ELP3: variants seen among roughly 807,000 people sequenced by gnomAD.
ELP3 encodes elongator complex protein 3.
A neutral mutation model predicts 74.9 loss-of-function variants in ELP3; 56 were observed. That is an observed-to-expected ratio of 0.75 (90% CI 0.60 to 0.93). The LOEUF is 0.93. Ranked by LOEUF, ELP3 falls within the 40% of genes least tolerant of loss-of-function variation. The pLI, the probability that ELP3 is intolerant of heterozygous loss-of-function variation, is 0.00. For missense variants in ELP3, 573 were observed against 686.5 expected (o/e 0.83, Z 1.85); for synonymous variants, 222 against 239.8 (o/e 0.93, Z 0.68).
Position 28,191,112 on chromosome 8 carries a change from C to T in ELP3, c.*1387C>T, listed in dbSNP as rs1024039898. The stretch of plus-strand genomic sequence containing the variant: ...TTACAAAGGTTTAAAGGAATTGATT[C>T]CTCTGAAAGGGCCTGAAAATAAAAA... On this transcript the variant is annotated 3_prime_UTR_variant, in exon 15 of 15. Transcript: ENST00000256398. The T allele has an allele frequency of 1.3e-5, 2 of 152,198 alleles. No individual in the cohort carries two copies. The highest frequency in any genetic ancestry group is 2.9e-5 in the Non-Finnish European group (2 of 68,050). The allele number at this position is 152,198 out of a possible 1,614,324, so 9.4% of individuals were successfully genotyped here.
intron 14 of ELP3, among the ~76,000 whole-genome samples, chr8:28,168,212 T>C (rs1005048844): frequency 6.6e-6 from 1 of 152,242 alleles, no homozygotes; most frequent in African/African-American, 2.4e-5. Context: ...TATTATTGAA[T>C]AGGCCACTAA....
intron 14 of ELP3, among the ~76,000 whole-genome samples, chr8:28,177,225 A>T (rs1278903892): frequency 6.7e-6 from 1 of 150,184 alleles, no homozygotes; most frequent in East Asian, 1.9e-4. Flanking sequence ...CCTTTGTATG[A>T]TTTTTTTTTT....
chr8:28,169,851 C>T (rs1814450245), intron 14 of ELP3, among the ~76,000 whole-genome samples: 1 of 152,086 alleles, frequency 6.6e-6, no homozygotes, highest in Admixed American at 6.5e-5. Flanking sequence ...TTTTGGCAGG[C>T]ATCGGTTCCT....
chr8:28,154,977 G>T (rs987920616), intron 10 of ELP3, among the ~76,000 whole-genome samples: 1 of 152,116 alleles, frequency 6.6e-6, no homozygotes, highest in African/African-American at 2.4e-5. Flanking sequence ...AAAGCTAATC[G>T]ATTGGCTTTT....
chr8:28,117,235 A>G (rs761341828), intron 7 of ELP3, among the ~76,000 whole-genome samples: 4 of 152,212 alleles, frequency 2.6e-5, no homozygotes, highest in African/African-American at 4.8e-5. Flanking sequence ...TAAGATCTGC[A>G]TAGTGAACTT....
At chr8:28,092,167 G>C (rs1811070268), upstream of ELP3, among the ~76,000 whole-genome samples, 1 of 152,172 alleles carries the variant, frequency 6.6e-6, no homozygotes, top group Non-Finnish European at 1.5e-5. Context: ...TTCTGTCTTT[G>C]CAGCTGTTTA....
intron 10 of ELP3, among the ~76,000 whole-genome samples, chr8:28,150,737 T>G (rs1444601621): frequency 6.6e-6 from 1 of 152,230 alleles, no homozygotes; most frequent in Non-Finnish European, 1.5e-5. Context: ...CTGAGCTTCC[T>G]GGATCTGTGG....
At chr8:28,110,672 T>G (rs1456447953) in intron 6 of ELP3, 1 of 396,280 alleles carries the variant, frequency 2.5e-6, no homozygotes, top group Non-Finnish European at 4.5e-6. Flanking sequence ...TCTCTAAGTT[T>G]TTTTGAATTT....
At chr8:28,098,213 T>C (rs1482392924) in intron 2 of ELP3, among the ~76,000 whole-genome samples, 5 of 151,916 alleles carry the variant, frequency 3.3e-5, no homozygotes, top group African/African-American at 1.2e-4. Context: ...ATTTTTTTTT[T>C]CAAACTATAA....
chr8:28,158,632 A>G lies in ELP3; in HGVS notation c.1256A>G (p.Gln419Arg), dbSNP rs762997711. 17 of 1,612,492 alleles carry G rather than the reference A, an allele frequency of 1.1e-5. No homozygotes were observed. Among genetic ancestry groups the G allele is most frequent in the African/African-American group, 1.3e-5 (1 of 74,548 alleles). The part of the protein sequence containing the change: ...QEIHHKVRPY[Q>R]VELVRRDYVA... ...ATTCATCACAAAGTACGGCCATACC[A>G]GGTTAGTCTCTTCATGTCATAGAGG... Residue 419 changes from glutamine to arginine, a missense_variant and splice_region_variant, in exon 12 of 15, where the codon CAG (glutamine) becomes CGG (arginine). By Grantham distance (43) the Gln-to-Arg change is conservative. Coordinates refer to ENST00000256398, the MANE Select transcript of ELP3 (RefSeq NM_018091.6).
intron 14 of ELP3, among the ~76,000 whole-genome samples, chr8:28,186,488 G>A (rs142732052): frequency 1.3e-3 from 203 of 152,244 alleles, no homozygotes; most frequent in African/African-American, 4.1e-3. Context: ...AACTGCCCCC[G>A]TCCGAAATTA....
intron 7 of ELP3, among the ~76,000 whole-genome samples, chr8:28,127,458 A>G (rs1386636901): frequency 6.6e-6 from 1 of 152,134 alleles, no homozygotes; most frequent in Non-Finnish European, 1.5e-5. Flanking sequence ...AACGTCATTT[A>G]GAGCTTTTTG....
intron 10 of ELP3, among the ~76,000 whole-genome samples, chr8:28,138,177 T>C (rs1432936787): frequency 6.6e-6 from 1 of 152,158 alleles, no homozygotes; most frequent in Admixed American, 6.5e-5. Flanking sequence ...TCTAGTTCAG[T>C]GTTTCCTCTT....
intron 10 of ELP3, among the ~76,000 whole-genome samples, chr8:28,142,383 A>C (rs1813277388): frequency 6.6e-6 from 1 of 152,208 alleles, no homozygotes; most frequent in African/African-American, 2.4e-5. Context: ...AGGAGGCCCA[A>C]CTGTCACATA....
At chr8:28,184,193 A>G (rs1350564762) in intron 14 of ELP3, among the ~76,000 whole-genome samples, 3 of 152,160 alleles carry the variant, frequency 2.0e-5, no homozygotes, top group Non-Finnish European at 4.4e-5. Flanking sequence ...GCAGAAAGAA[A>G]TTTAGCTCTT....
Position 28,189,715 on chromosome 8 carries a change from T to A in ELP3, c.1634T>A (p.Met545Lys), listed in dbSNP as rs1217609259. 1.2e-6 allele frequency: 2 copies of A among 1,614,058 alleles called. No homozygotes were observed. Among genetic ancestry groups the A allele is most frequent in the Admixed American group, 3.3e-5 (2 of 60,032 alleles). ...YRLQGPYMVK[M>K]LK is the part of the protein sequence containing the mutation. ...TTACAAGGCCCGTACATGGTGAAGA[T>A]GCTGAAATAATGGCCACACCAGTCC... Residue 545 changes from methionine (M) to lysine (K), a missense_variant, in exon 15 of 15, where the codon ATG becomes AAG. Physicochemically the swap from Met to Lys is moderately conservative, Grantham distance 95 (BLOSUM62 -1). Coordinates refer to ENST00000256398, the MANE Select transcript of ELP3 (RefSeq NM_018091.6).
chr8:28,097,543 C>G (rs920629223), intron 2 of ELP3, among the ~76,000 whole-genome samples: 1 of 151,848 alleles, frequency 6.6e-6, no homozygotes, highest in Non-Finnish European at 1.5e-5. Context: ...ACTACAGGCG[C>G]CCGCCACCAC....
chr8:28,174,597 T>G (rs1312144687), intron 14 of ELP3, among the ~76,000 whole-genome samples: 1 of 152,206 alleles, frequency 6.6e-6, no homozygotes, highest in Admixed American at 6.5e-5. Flanking sequence ...TTTTTACCTG[T>G]GTATCCATTA....
In ELP3 at chr8:28,140,199, T is replaced by C. The variant is rs187145044; in HGVS notation, c.1100+2308T>C. On this transcript the variant is annotated intron_variant, in intron 10 of 14. Transcript: ENST00000256398. ...CTTAGTTTCCAGTGAGCACAGCTGG[T>C]TTCTAGATCTTGGTCTCTAAATGCT... is the stretch of plus-strand genomic sequence containing the variant. Among the ~76,000 whole-genome samples the C allele has an allele frequency of 1.7e-3, 259 of 151,802 alleles. 1 individual carries two copies. The highest frequency in any genetic ancestry group is 5.8e-3 in the African/African-American group (242 of 41,370).
Sources: allele counts gnomAD v4.1 joint callset (sites outside exome capture counted in the v4.1 genomes callset), GRCh38; gene constraint gnomAD v4.1.1; transcripts MANE v1.5; gene names NCBI Gene and HGNC (gene_info 2026-07-23, HGNC 2026-07-21).